SLC38A12: variants seen among roughly 807,000 people sequenced by gnomAD.
SLC38A12 encodes solute carrier family 38 member 12.
chr17:74,786,082 G>A, the SLC38A12 span, among the ~76,000 whole-genome samples: 4 of 152,326 alleles, frequency 2.6e-5, no homozygotes, highest in South Asian at 2.1e-4. Flanking sequence ...CTGGGTGCAC[G>A]ATCAAGTGTG....
the SLC38A12 span, among the ~76,000 whole-genome samples, chr17:74,820,678 G>A: frequency 6.6e-6 from 1 of 152,202 alleles, no homozygotes; most frequent in Non-Finnish European, 1.5e-5. Flanking sequence ...GGCTCCAGGA[G>A]CTTGCCTGCC....
the SLC38A12 span, among the ~76,000 whole-genome samples, chr17:74,806,495 G>A: frequency 3.9e-5 from 6 of 152,138 alleles, no homozygotes; most frequent in East Asian, 1.9e-4. Context: ...AGTAAGCCAC[G>A]CCTGTAGTGC....
chr17:74,832,559 T>C, the SLC38A12 span, among the ~76,000 whole-genome samples: 1 of 152,246 alleles, frequency 6.6e-6, no homozygotes, highest in South Asian at 2.1e-4. Flanking sequence ...TCCTGGTGTG[T>C]GAGCGCCCTG....
At chr17:74,824,204 G>A in the SLC38A12 span, among the ~76,000 whole-genome samples, 1 of 152,366 alleles carries the variant, frequency 6.6e-6, no homozygotes, top group East Asian at 1.9e-4. Flanking sequence ...GGTGCGTGGA[G>A]AGGAGGCCTC....
At chr17:74,790,144 T>C in the SLC38A12 span, 3 of 1,413,624 alleles carry the variant, frequency 2.1e-6, no homozygotes, top group African/African-American at 2.8e-5. Flanking sequence ...TTTGATGTGC[T>C]CCTTTCTTTT....
chr17:74,800,462 T>G, the SLC38A12 span, among the ~76,000 whole-genome samples: 2 of 152,266 alleles, frequency 1.3e-5, no homozygotes, highest in East Asian at 3.8e-4. Flanking sequence ...CCATGGTCTC[T>G]GTTCTTCTAG....
At chr17:74,830,331 C>A in the SLC38A12 span, among the ~76,000 whole-genome samples, 2 of 152,224 alleles carry the variant, frequency 1.3e-5, no homozygotes, top group African/African-American at 4.8e-5. Flanking sequence ...TATAAACCAG[C>A]GCCACCTTTG....
chr17:74,820,860 G>A, the SLC38A12 span, among the ~76,000 whole-genome samples: 27 of 152,312 alleles, frequency 1.8e-4, no homozygotes, highest in South Asian at 4.8e-3. Flanking sequence ...GGTCATGGTC[G>A]CCGAGGACAC....
At chr17:74,831,071 G>A in the SLC38A12 span, among the ~76,000 whole-genome samples, 4 of 152,220 alleles carry the variant, frequency 2.6e-5, no homozygotes, top group Non-Finnish European at 4.4e-5. Context: ...CTATAGGGTC[G>A]GAACGGCTCC....
chr17:74,839,376 AGTGG>A, the SLC38A12 span: 1 of 436,884 alleles, frequency 2.3e-6, no homozygotes, highest in Non-Finnish European at 4.1e-6. Context: ...GCAGAGGGGC[AGTGG>A]CTGGCAGTGC....
chr17:74,805,172 C>T, the SLC38A12 span, among the ~76,000 whole-genome samples: 120 of 152,344 alleles, frequency 7.9e-4, 1 homozygote, highest in East Asian at 0.019. This position sits in a 1 kb window ranked among gnomAD's most constrained non-coding sequence, Gnocchi z 5.0. Flanking sequence ...GAGAGGCCTA[C>T]TCTGGTCTTC....
At chr17:74,823,797 G>A in the SLC38A12 span, among the ~76,000 whole-genome samples, 5 of 152,366 alleles carry the variant, frequency 3.3e-5, no homozygotes, top group African/African-American at 1.2e-4. Flanking sequence ...CGCACCTACT[G>A]GAGGTCACGC....
the SLC38A12 span, chr17:74,776,560 G>A: frequency 1.3e-5 from 2 of 152,150 alleles, no homozygotes; most frequent in African/African-American, 4.8e-5. Flanking sequence ...GGCGGCTTGG[G>A]AGCTGGCTGT....
At chr17:74,789,258 G>A in the SLC38A12 span, among the ~76,000 whole-genome samples, 382 of 152,234 alleles carry the variant, frequency 2.5e-3, 6 homozygotes, top group Admixed American at 0.018. Flanking sequence ...GGGCCGGTGG[G>A]GGGGCTCACA....
At chr17:74,784,460 T>C in the SLC38A12 span, among the ~76,000 whole-genome samples, 1 of 152,058 alleles carries the variant, frequency 6.6e-6, no homozygotes, top group Non-Finnish European at 1.5e-5. Context: ...TGTCTAGGTG[T>C]AGGTGACTAG....
the SLC38A12 span, chr17:74,795,205 G>T: frequency 9.5e-7 from 1 of 1,058,004 alleles, no homozygotes. Flanking sequence ...ACCATGCCAA[G>T]TGAGTTCATT....
At chr17:74,804,881 T>C in the SLC38A12 span, among the ~76,000 whole-genome samples, 1 of 152,222 alleles carries the variant, frequency 6.6e-6, no homozygotes, top group African/African-American at 2.4e-5. Flanking sequence ...GAGAGGCAGG[T>C]GAACAGTCTC....
chr17:74,822,725 T>A, the SLC38A12 span, among the ~76,000 whole-genome samples: 2 of 152,168 alleles, frequency 1.3e-5, no homozygotes, highest in African/African-American at 4.8e-5. Context: ...CCCAGTTAAG[T>A]AAACTCTGAA....
chr17:74,783,777 C>G, the SLC38A12 span, among the ~76,000 whole-genome samples: 1 of 138,556 alleles, frequency 7.2e-6, no homozygotes, highest in Non-Finnish European at 1.5e-5. Flanking sequence ...GTTGCCCAGC[C>G]TGGAGTGCAG....
Sources: allele counts gnomAD v4.1 joint callset (sites outside exome capture counted in the v4.1 genomes callset), GRCh38; gene constraint gnomAD v4.1.1; non-coding constraint Gnocchi (gnomAD v3.1); transcripts MANE v1.5; gene names NCBI Gene and HGNC (gene_info 2026-07-23, HGNC 2026-07-21).